Variants in CSMD1 observed in about 807,000 individuals in gnomAD.
CSMD1 encodes the protein CUB and sushi domain-containing protein 1.
Under a neutral mutation model 417.5 loss-of-function variants are expected in CSMD1, and 213 were observed. The ratio of observed to expected loss-of-function variants is 0.51; its 90% confidence interval spans 0.46 to 0.57. CSMD1 has a LOEUF of 0.57. Among genes scored for constraint, CSMD1 ranks in the 20% least tolerant of loss-of-function variants. CSMD1 has a pLI of 0.00. For missense variants in CSMD1, 6,923 were observed against 4,529.7 expected, an observed-to-expected ratio of 1.53 and a Z score of -15.17; for synonymous variants, 2,862 against 1,736.8, an observed-to-expected ratio of 1.65 and a Z score of -16.11.
At chr8:4,242,475 G>C (rs1802460096) in intron 3 of CSMD1, among the ~76,000 whole-genome samples, 1 of 152,178 alleles carries the variant, frequency 6.6e-6, no homozygotes, top group Non-Finnish European at 1.5e-5. Context: ...GCATAAATTA[G>C]CAGAGACTTC....
At chr8:4,498,872 A>T (rs1802111331) in intron 2 of CSMD1, among the ~76,000 whole-genome samples, 1 of 152,206 alleles carries the variant, frequency 6.6e-6, no homozygotes, top group Non-Finnish European at 1.5e-5. Flanking sequence ...ACACCCCAGA[A>T]GTCAAAATAA....
At position 3,219,302 on chromosome 8, in the gene CSMD1, C is replaced by T. The variant is rs750382878; in HGVS notation, c.4625G>A (p.Arg1542Gln). ...TGAAAGGCCCACGGAGGCATCACTC[C>T]GAAATGCCAGAAACAGGCTGTTTCC... is the stretch of plus-strand genomic sequence containing the variant. ...SSGNSLFLAF[R>Q]SDASVGLSGF... Residue 1542 changes from arginine to glutamine, a missense_variant, in exon 29 of 70, where the codon CGG becomes CAG. Coordinates refer to ENST00000635120, the MANE Select transcript of CSMD1 (RefSeq NM_033225.6). 6.9e-6 allele frequency: 11 copies of T among 1,592,958 alleles called. No individual in the cohort carries two copies. Among genetic ancestry groups the T allele is most frequent in the Admixed American group, 5.2e-5 (3 of 57,410 alleles).
At chr8:3,845,619 G>C (rs1401599515) in intron 5 of CSMD1, among the ~76,000 whole-genome samples, 2 of 152,126 alleles carry the variant, frequency 1.3e-5, no homozygotes, top group South Asian at 4.1e-4. Flanking sequence ...TATAAATGCA[G>C]TGTACTTAGG....
intron 1 of CSMD1, among the ~76,000 whole-genome samples, chr8:4,660,503 G>A (rs1373622219): frequency 5.3e-5 from 8 of 151,958 alleles, no homozygotes; most frequent in African/African-American, 1.5e-4. Flanking sequence ...CCCAACTTTT[G>A]CAGATATAGA....
chr8:4,219,736 G>A (rs576154819), intron 3 of CSMD1, among the ~76,000 whole-genome samples: 6 of 152,186 alleles, frequency 3.9e-5, no homozygotes, highest in Admixed American at 3.9e-4. Context: ...ATGTAACTTG[G>A]TTTGAATGAC....
chr8:3,072,053 T>A (rs868004349), intron 49 of CSMD1, among the ~76,000 whole-genome samples: 1 of 152,326 alleles, frequency 6.6e-6, no homozygotes, highest in Middle Eastern at 3.4e-3. Flanking sequence ...TTCCATACAA[T>A]GCTCGTCTAA....
intron 3 of CSMD1, among the ~76,000 whole-genome samples, chr8:4,228,904 ACTCCT>A (rs1801531716): frequency 6.6e-6 from 1 of 151,202 alleles, no homozygotes; most frequent in Non-Finnish European, 1.5e-5. Flanking sequence ...CTGGTCTTGA[ACTCCT>A]GACTGCCTCG....
intron 10 of CSMD1, among the ~76,000 whole-genome samples, chr8:3,535,505 G>C (rs1054864091): frequency 6.6e-6 from 1 of 152,146 alleles, no homozygotes; most frequent in African/African-American, 2.4e-5. Context: ...TATGCACATG[G>C]ACATAGAGTG....
intron 52 of CSMD1, among the ~76,000 whole-genome samples, chr8:3,014,713 G>A (rs1245594613): frequency 6.6e-6 from 1 of 152,124 alleles, no homozygotes; most frequent in African/African-American, 2.4e-5. Flanking sequence ...AGGAGTTCGT[G>A]ACCAGCCTGG....
intron 5 of CSMD1, among the ~76,000 whole-genome samples, chr8:3,826,913 A>T (rs1406737794): frequency 6.6e-6 from 1 of 152,072 alleles, no homozygotes; most frequent in Non-Finnish European, 1.5e-5. Flanking sequence ...CAGCCTCTTG[A>T]GTAGCTGAAA....
intron 3 of CSMD1, among the ~76,000 whole-genome samples, chr8:4,045,487 C>G (rs1798103430): frequency 6.6e-6 from 1 of 152,132 alleles, no homozygotes; most frequent in South Asian, 2.1e-4. Context: ...AACACTGTCC[C>G]CAGTTGGGGG....
At chr8:4,782,273 A>G (rs1192968116) in intron 1 of CSMD1, among the ~76,000 whole-genome samples, 1 of 152,216 alleles carries the variant, frequency 6.6e-6, no homozygotes, top group African/African-American at 2.4e-5. Flanking sequence ...TACCAAAAGT[A>G]AAAGATAAAC....
At chr8:4,692,441 G>A (rs1422752475) in intron 1 of CSMD1, among the ~76,000 whole-genome samples, 1 of 152,262 alleles carries the variant, frequency 6.6e-6, no homozygotes, top group Non-Finnish European at 1.5e-5. Flanking sequence ...AGAGTAGACC[G>A]TCCTTGAAGC....
At chr8:3,707,308 A>AACTG (rs1801224994) in intron 7 of CSMD1, among the ~76,000 whole-genome samples, 1 of 151,860 alleles carries the variant, frequency 6.6e-6, no homozygotes, top group African/African-American at 2.4e-5. Context: ...ATGTAAACAG[A>AACTG]ATTGACCCGA....
intron 3 of CSMD1, among the ~76,000 whole-genome samples, chr8:4,407,581 A>G (rs1382707071): frequency 6.6e-6 from 1 of 152,222 alleles, no homozygotes; most frequent in Non-Finnish European, 1.5e-5. Flanking sequence ...ATGAAATGAT[A>G]CCTCACTTAA....
At chr8:3,573,589 A>C (rs1800028970) in intron 10 of CSMD1, among the ~76,000 whole-genome samples, 1 of 152,214 alleles carries the variant, frequency 6.6e-6, no homozygotes, top group Non-Finnish European at 1.5e-5. Flanking sequence ...TTAGAACTAA[A>C]ATAAGCCAAC....
At chr8:4,122,528 T>C (rs1802543875) in intron 3 of CSMD1, among the ~76,000 whole-genome samples, 1 of 152,156 alleles carries the variant, frequency 6.6e-6, no homozygotes, top group Non-Finnish European at 1.5e-5. Context: ...ACCAGCCGCA[T>C]TTTAAATACC....
chr8:3,219,208 G>T (rs757177037), intron 29 of CSMD1, 47 bp downstream of exon 29: 3 of 1,465,760 alleles, frequency 2.0e-6, no homozygotes, highest in Non-Finnish European at 2.8e-6. Context: ...AATAAAAACA[G>T]TCCTGATACA....
Position 4,535,697 on chromosome 8 carries a change from T to C in CSMD1, c.302+101645A>G, listed in dbSNP as rs80245679. On this transcript the variant is annotated intron_variant, in intron 2 of 69. Transcript: ENST00000635120. Reference sequence around the variant, plus strand: ...TTTCTGAGGAGCCCTGATCTCTTTATTTACAATAAGGTATTTGGAGACAAT... The same window carrying C: ...TTTCTGAGGAGCCCTGATCTCTTTACTTACAATAAGGTATTTGGAGACAAT... 7.7e-3 allele frequency among the ~76,000 whole-genome samples: 1,179 copies of C among 152,270 alleles called. 19 individuals carry two copies. Among genetic ancestry groups the C allele is most frequent in the East Asian group, 0.065 (334 of 5,178 alleles).
Sources: allele counts gnomAD v4.1 joint callset (sites outside exome capture counted in the v4.1 genomes callset), GRCh38; gene constraint gnomAD v4.1.1; transcripts MANE v1.5; gene names NCBI Gene and HGNC (gene_info 2026-07-23, HGNC 2026-07-21).